Variants in ZC3H12B observed in about 807,000 individuals in gnomAD.
The protein encoded by ZC3H12B is zinc finger CCCH-type containing 12B.
Under a neutral mutation model 43.9 loss-of-function variants are expected in ZC3H12B, and 7 were observed. The observed-to-expected ratio is 0.16, with a 90% confidence interval of 0.09 to 0.30. The LOEUF (loss-of-function observed/expected upper bound fraction) is 0.30. ZC3H12B is among the 10% of genes least tolerant of loss of function. ZC3H12B has a pLI of 1.00. For missense variants in ZC3H12B, 475 were observed against 670.2 expected (o/e 0.71, Z 3.22); for synonymous variants, 222 against 241.7 (o/e 0.92, Z 0.76).
intron 2 of ZC3H12B, among the ~76,000 whole-genome samples, chrX:65,397,108 A>G (rs1362505579): frequency 9.0e-6 from 1 of 111,310 alleles, no homozygotes; most frequent in Non-Finnish European, 1.9e-5. Context: ...TGCACGTGAG[A>G]TGGGTCTCCT....
intron 2 of ZC3H12B, among the ~76,000 whole-genome samples, chrX:65,390,785 A>T (rs975434446): frequency 5.4e-5 from 6 of 111,864 alleles, no homozygotes; most frequent in Non-Finnish European, 1.1e-4. Flanking sequence ...TATTTTCCTC[A>T]GCACATGGAT....
chrX:65,362,524 C>T (rs929345106), upstream of ZC3H12B, among the ~76,000 whole-genome samples: 7 of 110,790 alleles, frequency 6.3e-5, no homozygotes, highest in Non-Finnish European at 1.3e-4. Context: ...AGCCACACCT[C>T]ATTGCTGCCC....
chrX:65,158,904 A>G, the ZC3H12B span, among the ~76,000 whole-genome samples: 1 of 111,881 alleles, frequency 8.9e-6, no homozygotes, highest in South Asian at 3.7e-4. Flanking sequence ...TTATGGTTTT[A>G]GGTCTAACAT....
At chrX:65,121,249 G>T in the ZC3H12B span, among the ~76,000 whole-genome samples, 2 of 111,430 alleles carry the variant, frequency 1.8e-5, no homozygotes, top group East Asian at 2.8e-4. Context: ...TTTTACCTCT[G>T]GTGGAATTCG....
the ZC3H12B span, among the ~76,000 whole-genome samples, chrX:65,219,256 A>G: frequency 8.9e-6 from 1 of 111,825 alleles, no homozygotes; most frequent in African/African-American, 3.2e-5. Context: ...TAATATGACA[A>G]AACAAGGTTC....
At chrX:65,102,536 G>A in the ZC3H12B span, among the ~76,000 whole-genome samples, 948 of 112,223 alleles carry the variant, frequency 8.4e-3, 11 homozygotes, top group Admixed American at 0.044. Flanking sequence ...CGTCAGCAAA[G>A]TCTCAGGATA....
At chrX:65,477,272 G>A (rs1238727738) in intron 3 of ZC3H12B, among the ~76,000 whole-genome samples, 1 of 109,687 alleles carries the variant, frequency 9.1e-6, no homozygotes, top group Non-Finnish European at 1.9e-5. Context: ...CTGAGGCAGG[G>A]ATTGATTGGA....
At chrX:65,261,005 T>C in the ZC3H12B span, among the ~76,000 whole-genome samples, 4 of 112,090 alleles carry the variant, frequency 3.6e-5, no homozygotes, top group East Asian at 2.8e-4. Context: ...TTCAGTAATA[T>C]TTTCTTTCTC....
At chrX:65,500,491 A>T (rs1419045845) in intron 4 of ZC3H12B, among the ~76,000 whole-genome samples, 1 of 111,899 alleles carries the variant, frequency 8.9e-6, no homozygotes, top group Non-Finnish European at 1.9e-5. Flanking sequence ...GCAGTGGTGC[A>T]GTCTTGGCTC....
chrX:65,172,831 T>C, the ZC3H12B span, among the ~76,000 whole-genome samples: 1 of 112,258 alleles, frequency 8.9e-6, no homozygotes, highest in African/African-American at 3.2e-5. Flanking sequence ...ACTGTAGCCT[T>C]GTAGTATACT....
chrX:65,180,083 A>C, the ZC3H12B span, among the ~76,000 whole-genome samples: 1 of 112,157 alleles, frequency 8.9e-6, no homozygotes, highest in Non-Finnish European at 1.9e-5. Context: ...ATCCCTGCTT[A>C]ACTTTGATGC....
chrX:65,339,718 T>C, the ZC3H12B span, among the ~76,000 whole-genome samples: 1 of 111,336 alleles, frequency 9.0e-6, no homozygotes, highest in Non-Finnish European at 1.9e-5. Context: ...TTTGCCTGTT[T>C]GCAGTGCTTT....
intron 2 of ZC3H12B, among the ~76,000 whole-genome samples, chrX:65,395,484 G>T (rs2066684619): frequency 8.9e-6 from 1 of 112,322 alleles, no homozygotes; most frequent in African/African-American, 3.2e-5. Context: ...TTTGTCGCTG[G>T]CTTTGTTTAT....
At chrX:65,466,252 G>A (rs762193877) in intron 3 of ZC3H12B, among the ~76,000 whole-genome samples, 77 of 110,651 alleles carry the variant, frequency 7.0e-4, no homozygotes, top group African/African-American at 2.4e-3. Flanking sequence ...AGATCATGGG[G>A]TATATATTTT....
At chrX:65,424,453 A>C (rs2067056728) in intron 3 of ZC3H12B, among the ~76,000 whole-genome samples, 1 of 112,182 alleles carries the variant, frequency 8.9e-6, no homozygotes, top group Non-Finnish European at 1.9e-5. Flanking sequence ...TTTGCTCTGC[A>C]GGAGCTATTT....
the ZC3H12B span, among the ~76,000 whole-genome samples, chrX:65,198,609 A>T: frequency 2.7e-5 from 3 of 111,444 alleles, no homozygotes. Flanking sequence ...CTGTTGCCAG[A>T]TGTGCTTTTG....
At chrX:65,125,502 G>C in the ZC3H12B span, among the ~76,000 whole-genome samples, 3 of 111,507 alleles carry the variant, frequency 2.7e-5, no homozygotes, top group Non-Finnish European at 5.7e-5. Flanking sequence ...ATTTGTTGTA[G>C]AGTATAGTTT....
At chrX:65,500,971 A>G (rs2068358958) in intron 4 of ZC3H12B, among the ~76,000 whole-genome samples, 1 of 110,675 alleles carries the variant, frequency 9.0e-6, no homozygotes. Context: ...ATCTCATTTA[A>G]TCTTTACAAT....
intron 2 of ZC3H12B, among the ~76,000 whole-genome samples, chrX:65,390,296 C>T (rs991012126): frequency 9.1e-6 from 1 of 110,466 alleles, no homozygotes. Flanking sequence ...AGGAGATATA[C>T]GTAATGTAAA....
Sources: allele counts gnomAD v4.1 joint callset (sites outside exome capture counted in the v4.1 genomes callset), GRCh38; gene constraint gnomAD v4.1.1; transcripts MANE v1.5; gene names NCBI Gene and HGNC (gene_info 2026-07-23, HGNC 2026-07-21).